Variants in INSL6 observed in about 807,000 individuals in gnomAD.
INSL6 encodes insulin like 6.
In INSL6, 16 loss-of-function variants were observed where a neutral mutation model predicts 9.4. The ratio of observed to expected loss-of-function variants is 1.70; its 90% CI spans 1.15 to 2.59. The LOEUF (loss-of-function observed/expected upper bound fraction) is 2.59, where lower values mean the gene tolerates loss of function less well. Ranked by LOEUF, INSL6 falls within the 30% of genes most tolerant of loss-of-function variation. INSL6 has a pLI of 0.00. For synonymous variants in INSL6, 154 were observed against 96.9 expected, an observed-to-expected ratio of 1.59 and a Z score of -3.46; for missense variants, 391 against 257.3, an observed-to-expected ratio of 1.52 and a Z score of -3.56.
intron 3 of INSL6, chr9:5,126,474 G>T: frequency 6.9e-7 from 1 of 1,441,980 alleles, no homozygotes; most frequent in Non-Finnish European, 9.7e-7. Context: ...ATCCAGGGTA[G>T]TCATGCATTT....
At chr9:5,169,458 T>C (rs962085375) in intron 1 of INSL6, among the ~76,000 whole-genome samples, 7 of 152,090 alleles carry the variant, frequency 4.6e-5, no homozygotes, top group Non-Finnish European at 1.0e-4. Flanking sequence ...ATGAAGCAAC[T>C]ACATAAACAA....
chr9:5,080,325 T>A, the INSL6 span: 1 of 1,613,984 alleles, frequency 6.2e-7, no homozygotes, highest in Non-Finnish European at 8.5e-7. Flanking sequence ...GGTACCACTT[T>A]GTGGGAAATC....
At chr9:5,117,610 A>G in the INSL6 span, among the ~76,000 whole-genome samples, 1 of 152,214 alleles carries the variant, frequency 6.6e-6, no homozygotes, top group Non-Finnish European at 1.5e-5. Flanking sequence ...TATTTTGGAA[A>G]TAGTTGTTTT....
the INSL6 span, chr9:5,091,045 C>T: frequency 9.4e-6 from 5 of 529,236 alleles, no homozygotes; most frequent in South Asian, 3.0e-5. Flanking sequence ...TTACATTTAA[C>T]TTTTTTTTTT....
At chr9:5,184,028 G>A (rs1253726249) in intron 1 of INSL6, among the ~76,000 whole-genome samples, 3 of 152,190 alleles carry the variant, frequency 2.0e-5, no homozygotes, top group African/African-American at 7.2e-5. Flanking sequence ...GAAGGACAAG[G>A]TGAGGTTTGT....
chr9:5,164,477 G>A (rs75085142), intron 1 of INSL6, among the ~76,000 whole-genome samples: 2,926 of 152,238 alleles, frequency 0.019, 114 homozygotes, highest in African/African-American at 0.067. Context: ...GTACATTTTT[G>A]TATTAACAAT....
chr9:5,135,935 A>C (rs765180206), intron 2 of INSL6, among the ~76,000 whole-genome samples: 1 of 152,194 alleles, frequency 6.6e-6, no homozygotes, highest in Non-Finnish European at 1.5e-5. Flanking sequence ...AAAAATGATA[A>C]AGGGGATATC....
At chr9:5,106,097 A>G in the INSL6 span, among the ~76,000 whole-genome samples, 1 of 152,232 alleles carries the variant, frequency 6.6e-6, no homozygotes, top group African/African-American at 2.4e-5. Flanking sequence ...GCACAGCAAA[A>G]CAAACTACCA....
At chr9:5,121,446 A>AG (rs1405005001), downstream of INSL6, among the ~76,000 whole-genome samples, 1 of 152,198 alleles carries the variant, frequency 6.6e-6, no homozygotes, top group African/African-American at 2.4e-5. Context: ...CTTTATACAA[A>AG]GGAAAATACA....
chr9:5,103,453 C>A, the INSL6 span, among the ~76,000 whole-genome samples: 1 of 151,942 alleles, frequency 6.6e-6, no homozygotes, highest in Non-Finnish European at 1.5e-5. Flanking sequence ...GAGACTTAGA[C>A]TCCCACACAA....
the INSL6 span, among the ~76,000 whole-genome samples, chr9:5,086,710 T>C: frequency 4.6e-5 from 7 of 152,214 alleles, no homozygotes; most frequent in African/African-American, 1.7e-4. Context: ...CCCTGAAATC[T>C]CCCTGTCTGA....
the INSL6 span, among the ~76,000 whole-genome samples, chr9:5,011,432 C>T: frequency 6.6e-6 from 1 of 152,200 alleles, no homozygotes; most frequent in African/African-American, 2.4e-5. Context: ...TCAAGCAATC[C>T]TCCTGCCTTG....
At chr9:5,106,358 T>C in the INSL6 span, among the ~76,000 whole-genome samples, 1 of 152,170 alleles carries the variant, frequency 6.6e-6, no homozygotes, top group Non-Finnish European at 1.5e-5. Flanking sequence ...TACCATCTCA[T>C]GCCAGTTAGA....
chr9:5,059,177 A>G, the INSL6 span, among the ~76,000 whole-genome samples: 1 of 152,172 alleles, frequency 6.6e-6, no homozygotes, highest in Non-Finnish European at 1.5e-5. Context: ...ACCTCAAAAA[A>G]CAGAATAGTT....
At chr9:5,117,736 C>G in the INSL6 span, among the ~76,000 whole-genome samples, 3 of 151,952 alleles carry the variant, frequency 2.0e-5, no homozygotes, top group South Asian at 6.2e-4. Context: ...GTAGATATAA[C>G]TCACAGAAAC....
chr9:5,005,083 A>ATTT, the INSL6 span, among the ~76,000 whole-genome samples: 5 of 40,034 alleles, frequency 1.2e-4, no homozygotes, highest in Admixed American at 4.0e-4. Flanking sequence ...TGCCTGGCTA[A>ATTT]TTTTTTTTTT....
chr9:5,124,130 T>C (rs1823819472), exon 4 of INSL6, among the ~76,000 whole-genome samples: 1 of 151,926 alleles, frequency 6.6e-6, no homozygotes, highest in Admixed American at 6.6e-5. Flanking sequence ...GATACAAAGT[T>C]TGCAAATATT....
At chr9:5,127,240 CTGT>C (rs1427777798) in intron 3 of INSL6, 1 of 232,402 alleles carries the variant, frequency 4.3e-6, no homozygotes, top group Non-Finnish European at 8.5e-6. Context: ...TTCATTAATA[CTGT>C]TTTCTAATTT....
At chr9:5,123,041 G>A (rs1006182223), downstream of INSL6, 5 of 1,611,192 alleles carry the variant, frequency 3.1e-6, no homozygotes, top group Non-Finnish European at 4.2e-6. Flanking sequence ...CAAGTTTTCT[G>A]TGGCCTCAGA....
Sources: allele counts gnomAD v4.1 joint callset (sites outside exome capture counted in the v4.1 genomes callset), GRCh38; gene constraint gnomAD v4.1.1; transcripts MANE v1.5; gene names NCBI Gene and HGNC (gene_info 2026-07-23, HGNC 2026-07-21).